Variants in MTA3 observed in about 807,000 individuals in gnomAD.
MTA3 encodes metastasis associated 1 family member 3.
MTA3 carries 34 observed loss-of-function variants against 83.5 expected under a neutral mutation model. The ratio of observed to expected loss-of-function variants is 0.41; its 90% CI spans 0.31 to 0.54. The LOEUF is 0.54. Among genes scored for constraint, MTA3 ranks in the 20% least tolerant of loss-of-function variants. The probability of loss-of-function intolerance (pLI) is 0.33; values close to 1 mark genes in which losing one functional copy is unlikely to be tolerated. For synonymous variants in MTA3, 303 were observed against 252.7 expected (o/e 1.20, Z -1.89); for missense variants, 761 against 726.4 (o/e 1.05, Z -0.55).
intron 2 of MTA3, among the ~76,000 whole-genome samples, chr2:42,543,365 G>A (rs1397960175): frequency 6.6e-6 from 1 of 151,890 alleles, no homozygotes. Context: ...TTTAGTAGAG[G>A]TGGGGTTTCA....
In MTA3 at chr2:42,568,707, GC is replaced by G; in HGVS notation, c.-38del. The G allele has an allele frequency of 8.3e-7, 1 of 1,204,948 alleles. No individual in the cohort carries two copies. Among genetic ancestry groups the G allele is most frequent in the Non-Finnish European group, 1.0e-6 (1 of 971,610 alleles). The allele number at this position is 1,204,948 out of a possible 1,614,324, so 74.6% of individuals were successfully genotyped here. A position where few individuals can be genotyped will look rare whatever the true frequency, so the allele number is the denominator to read the frequency against. On this transcript the variant is annotated 5_prime_UTR_variant, in exon 1 of 17. Coordinates refer to ENST00000405094, the MANE Select transcript of MTA3 (RefSeq NM_001330442.2). ...GCTGAGGAGGAGGCGGCGGCGGCGG[GC>G]GGGGCTCGGCTCGGGCTCCGCGGGC...
intron 4 of MTA3, among the ~76,000 whole-genome samples, chr2:42,617,931 ACT>A (rs1228691271): frequency 4.0e-5 from 6 of 151,310 alleles, no homozygotes; most frequent in African/African-American, 4.9e-5. Context: ...GCTGAAAACA[ACT>A]CTTTTTTTAA....
chr2:42,712,861 G>C (rs1666735576), intron 14 of MTA3: 1 of 151,732 alleles, frequency 6.6e-6, no homozygotes, highest in African/African-American at 2.4e-5. Context: ...AAAAAAAAAA[G>C]TTAGCCGTCT....
chr2:42,544,638 C>T (rs1676675964), intron 2 of MTA3, among the ~76,000 whole-genome samples: 1 of 150,928 alleles, frequency 6.6e-6, no homozygotes, highest in Non-Finnish European at 1.5e-5. Context: ...ATTGCCACCT[C>T]GGCCTCCCAA....
At chr2:42,628,338 C>G (rs996390181) in intron 4 of MTA3, among the ~76,000 whole-genome samples, 2 of 151,964 alleles carry the variant, frequency 1.3e-5, no homozygotes, top group African/African-American at 4.8e-5. Context: ...TCAAGTGATT[C>G]TCTTGCCTCA....
At chr2:42,504,364 C>G (rs985664186) in intron 2 of MTA3, among the ~76,000 whole-genome samples, 7 of 151,806 alleles carry the variant, frequency 4.6e-5, no homozygotes, top group African/African-American at 1.7e-4. Context: ...CTCAGCCTCC[C>G]GAGTAGCTGG....
intron 4 of MTA3, among the ~76,000 whole-genome samples, chr2:42,631,497 G>A (rs1203580710): frequency 1.3e-5 from 2 of 151,954 alleles, no homozygotes; most frequent in Non-Finnish European, 2.9e-5. Flanking sequence ...GTACTTGTGT[G>A]TGTGTTTTTT....
chr2:42,689,660 A>T (rs188991825), intron 9 of MTA3, among the ~76,000 whole-genome samples: 1 of 152,088 alleles, frequency 6.6e-6, no homozygotes, highest in African/African-American at 2.4e-5. Context: ...GTTTACTATT[A>T]TAAAGATGTT....
At chr2:42,507,837 G>A (rs1312564772) in intron 2 of MTA3, among the ~76,000 whole-genome samples, 2 of 151,756 alleles carry the variant, frequency 1.3e-5, no homozygotes, top group East Asian at 1.9e-4. Flanking sequence ...AGGCTGAGGT[G>A]GGATGATGGC....
chr2:42,542,861 A>G (rs1379527561), intron 2 of MTA3, among the ~76,000 whole-genome samples: 1 of 151,814 alleles, frequency 6.6e-6, no homozygotes, highest in African/African-American at 2.4e-5. Flanking sequence ...CCAGCCCATA[A>G]TCTTCAAATA....
chr2:42,548,810 A>AATAT (rs1187612034), intron 2 of MTA3, among the ~76,000 whole-genome samples: 1 of 66,488 alleles, frequency 1.5e-5, no homozygotes, highest in African/African-American at 7.7e-5. Flanking sequence ...CTCAAAAAAA[A>AATAT]ATATATATAT....
chr2:42,604,651 T>C (rs1349327112), intron 3 of MTA3, among the ~76,000 whole-genome samples: 2 of 137,614 alleles, frequency 1.5e-5, no homozygotes, highest in African/African-American at 2.8e-5. Context: ...GGCAGGGTCA[T>C]GGGACAATAG....
At chr2:42,586,011 C>T (rs1427936009) in intron 3 of MTA3, among the ~76,000 whole-genome samples, 1 of 151,908 alleles carries the variant, frequency 6.6e-6, no homozygotes, top group African/African-American at 2.4e-5. Flanking sequence ...GGGCCAGGCG[C>T]AGTGGCTCAT....
At chr2:42,526,643 C>G (rs1675721804) in intron 2 of MTA3, among the ~76,000 whole-genome samples, 1 of 152,142 alleles carries the variant, frequency 6.6e-6, no homozygotes, top group African/African-American at 2.4e-5. Flanking sequence ...ACAACATTTA[C>G]TGAGAAATTG....
chr2:42,724,275 AAAACACACAC>A (rs1466865122), intron 16 of MTA3, among the ~76,000 whole-genome samples: 2,683 of 82,194 alleles, frequency 0.033, 85 homozygotes, highest in East Asian at 0.18. Flanking sequence ...TAAGTCCTGA[AAAACACACAC>A]ACACACACAC....
At chr2:42,742,110 G>C (rs1030801284) in intron 16 of MTA3, among the ~76,000 whole-genome samples, 1 of 151,870 alleles carries the variant, frequency 6.6e-6, no homozygotes, top group Non-Finnish European at 1.5e-5. Context: ...TCTTTGCTCA[G>C]ACCATAAAGC....
intron 16 of MTA3, among the ~76,000 whole-genome samples, chr2:42,730,982 G>A (rs1040996886): frequency 6.6e-6 from 1 of 152,046 alleles, no homozygotes; most frequent in African/African-American, 2.4e-5. Flanking sequence ...AGCTTTTCCA[G>A]TTTGTTGGCA....
intron 3 of MTA3, among the ~76,000 whole-genome samples, chr2:42,607,855 G>A (rs545481160): frequency 1.3e-5 from 2 of 152,290 alleles, no homozygotes; most frequent in Non-Finnish European, 2.9e-5. Context: ...GGAGGCTGAG[G>A]CAGGAGAATC....
intron 16 of MTA3, among the ~76,000 whole-genome samples, chr2:42,747,247 A>G (rs562342962): frequency 4.0e-5 from 6 of 151,778 alleles, no homozygotes; most frequent in Non-Finnish European, 8.8e-5. Context: ...TTATCCGCCC[A>G]CCTCAGCCCC....
Sources: allele counts gnomAD v4.1 joint callset (sites outside exome capture counted in the v4.1 genomes callset), GRCh38; gene constraint gnomAD v4.1.1; transcripts MANE v1.5; gene names NCBI Gene and HGNC (gene_info 2026-07-23, HGNC 2026-07-21).